PVALB: variants seen among roughly 807,000 people sequenced by gnomAD.
PVALB encodes parvalbumin.
Under a neutral mutation model 10.9 loss-of-function variants are expected in PVALB, and 11 were observed. That is an observed-to-expected ratio of 1.01 (90% CI 0.63 to 1.67). The LOEUF (loss-of-function observed/expected upper bound fraction) is 1.67, where lower values mean the gene tolerates loss of function less well. Ranked by LOEUF, PVALB falls within the 40% of genes most tolerant of loss-of-function variation. The pLI is 0.00. For missense variants in PVALB, 131 were observed against 136.2 expected (o/e 0.96, Z 0.19); for synonymous variants, 57 against 50.7 (o/e 1.12, Z -0.53).
chr22:36,804,575 G>T (rs1311380404), intron 3 of PVALB, among the ~76,000 whole-genome samples: 2 of 152,234 alleles, frequency 1.3e-5, no homozygotes, highest in Non-Finnish European at 2.9e-5. Context: ...TTAGGAGCCA[G>T]CCAATTAACG....
At chr22:36,804,859 G>A (rs1451925981) in intron 3 of PVALB, among the ~76,000 whole-genome samples, 3 of 152,154 alleles carry the variant, frequency 2.0e-5, no homozygotes, top group Admixed American at 6.5e-5. Flanking sequence ...GCTTGAACCC[G>A]GGAGGTGGAG....
At chr22:36,804,335 C>T (rs1478763249) in intron 3 of PVALB, among the ~76,000 whole-genome samples, 1 of 152,184 alleles carries the variant, frequency 6.6e-6, no homozygotes, top group African/African-American at 2.4e-5. Flanking sequence ...TTGGGAGGTA[C>T]TTTGGAGCTG....
intron 2 of PVALB, 39 bp downstream of exon 2, chr22:36,815,064 C>G: frequency 1.2e-6 from 2 of 1,610,742 alleles, no homozygotes; most frequent in Non-Finnish European, 1.7e-6. Context: ...CCCTCTCGTG[C>G]AGCCGTGGGC....
Position 36,807,256 on chromosome 22 carries a change from G to T in PVALB, c.305-6338C>A, listed in dbSNP as rs117666407. ...GACTTTGGCACTTACTGTCTACGGG[G>T]CCTCAGTTTTCAAGTCTCTCAGTGG... On this transcript the variant is annotated intron_variant, in intron 3 of 3. Coordinates refer to ENST00000417718, the MANE Select transcript of PVALB (RefSeq NM_001315532.2). 6.3e-3 allele frequency among the ~76,000 whole-genome samples: 961 copies of T among 152,242 alleles called. 3 individuals carry two copies. Among genetic ancestry groups the T allele is most frequent in the Non-Finnish European group, 9.7e-3 (658 of 68,024 alleles).
chr22:36,813,731 T>C lies in PVALB; in HGVS notation c.219A>G (p.Pro73=). The C allele has an allele frequency of 1.9e-6, 3 of 1,613,760 alleles. No individual in the cohort carries two copies. Among genetic ancestry groups the C allele is most frequent in the Non-Finnish European group, 2.5e-6 (3 of 1,179,726 alleles). Reference sequence around the variant, plus strand: ...CTTTAGCAGACAGGTCTCTGGCATCTGGGGAGAAGCCTTTTAGGATGAATC... The same window carrying C: ...CTTTAGCAGACAGGTCTCTGGCATCCGGGGAGAAGCCTTTTAGGATGAATC... The part of the protein sequence containing the change: ...ELGFILKGFS[P]DARDLSAKET... The change falls in exon 3 of 4, where the codon CCA becomes CCG. Residue 73 remains proline, a synonymous_variant. Transcript: ENST00000417718.
chr22:36,815,827 G>A (rs1399587679), intron 1 of PVALB, among the ~76,000 whole-genome samples: 1 of 152,070 alleles, frequency 6.6e-6, no homozygotes, highest in African/African-American at 2.4e-5. Context: ...AGGCTCCCGA[G>A]AAACACCCAG....
intron 3 of PVALB, among the ~76,000 whole-genome samples, chr22:36,801,497 T>C (rs1569089088): frequency 6.6e-6 from 1 of 152,078 alleles, no homozygotes; most frequent in African/African-American, 2.4e-5. Context: ...CCCATCGCCC[T>C]AGAAAATGCA....
chr22:36,801,949 T>G (rs571903376), intron 3 of PVALB, among the ~76,000 whole-genome samples: 9 of 152,338 alleles, frequency 5.9e-5, no homozygotes, highest in Non-Finnish European at 1.3e-4. Context: ...TTCCCTCATC[T>G]GTCAGTGGAG....
chr22:36,805,286 C>A (rs777169583), intron 3 of PVALB, among the ~76,000 whole-genome samples: 11 of 152,172 alleles, frequency 7.2e-5, no homozygotes, highest in Non-Finnish European at 1.3e-4. Flanking sequence ...ATAGTGCCCA[C>A]TTCCTTAAGT....
In PVALB at chr22:36,806,223, C is replaced by T. The variant is rs535546395; in HGVS notation, c.305-5305G>A. ...ACATGAAAGGACAGCAGTACTTTTGCAGTCTAAATCCTCGCCCAAGACCCT... is the reference window on the plus strand; with the variant it reads ...ACATGAAAGGACAGCAGTACTTTTGTAGTCTAAATCCTCGCCCAAGACCCT... On this transcript the variant is annotated intron_variant, in intron 3 of 3. Transcript: ENST00000417718. 1.1e-4 allele frequency among the ~76,000 whole-genome samples: 16 copies of T among 152,260 alleles called. No homozygotes were observed. The South Asian group carries it at 2.9e-3, about 28-fold the overall frequency.
At chr22:36,815,506 T>C (rs1939125004) in intron 1 of PVALB, 2 of 469,872 alleles carry the variant, frequency 4.3e-6, no homozygotes, top group South Asian at 4.5e-5. Flanking sequence ...ACTGCACCCA[T>C]TGCTGATGAT....
chr22:36,815,010 G>A lies in PVALB; in HGVS notation c.194+93C>T. ...TTCTGTGAAGCAGGCAGAGTGAAAG[G>A]CAGGTCTGATGGACACTTGGAAGCT... On this transcript the variant is annotated intron_variant, in intron 2 of 3. Coordinates refer to ENST00000417718, the MANE Select transcript of PVALB (RefSeq NM_001315532.2). 6 of 1,500,118 alleles carry A rather than the reference G, an allele frequency of 4.0e-6. No individual in the cohort carries two copies. In the South Asian group the frequency reaches 6.0e-5, roughly 15 times the overall value. 92.9% of individuals were successfully genotyped at this position (1,500,118 alleles called of 1,614,324 possible). A position where few individuals can be genotyped will look rare whatever the true frequency, so the allele number is the denominator to read the frequency against.
At chr22:36,808,652 T>A (rs921600374) in intron 3 of PVALB, among the ~76,000 whole-genome samples, 3 of 152,228 alleles carry the variant, frequency 2.0e-5, no homozygotes, top group Non-Finnish European at 4.4e-5. Context: ...CAGAAACTCC[T>A]GGGGTCTGGC....
In PVALB at chr22:36,801,772, C is replaced by A. The variant is rs189909581; in HGVS notation, c.305-854G>T. On this transcript the variant is annotated intron_variant, in intron 3 of 3. Transcript: ENST00000417718. ...CCAAGATCGTGCCACCGCACTCCAG[C>A]TTGGGCAATAGAGTCAGACTCTGTC... Among the ~76,000 whole-genome samples, 334 of 152,214 alleles carry A rather than the reference C, an allele frequency of 2.2e-3. 2 individuals are homozygous for A. The highest frequency in any genetic ancestry group is 7.5e-3 in the African/African-American group (311 of 41,506).
intron 3 of PVALB, among the ~76,000 whole-genome samples, chr22:36,806,522 C>G (rs554619144): frequency 6.6e-6 from 1 of 152,066 alleles, no homozygotes; most frequent in Non-Finnish European, 1.5e-5. Flanking sequence ...GAGTCAGCGG[C>G]TGGAAGGCTC....
intron 1 of PVALB, 171 bp from the exon 2 acceptor site, chr22:36,815,406 C>A: frequency 1.1e-6 from 1 of 870,622 alleles, no homozygotes; most frequent in Non-Finnish European, 1.7e-6. Context: ...GGGAGGATAA[C>A]CTGTCCAAGG....
chr22:36,816,043 TTTTGTG>T (rs1413750135), intron 1 of PVALB, among the ~76,000 whole-genome samples: 2 of 70,280 alleles, frequency 2.8e-5, no homozygotes, highest in African/African-American at 6.1e-4. Context: ...AGATCATGTA[TTTTGTG>T]TGTGTGTGTG....
chr22:36,816,917 G>A lies in PVALB; in HGVS notation c.61+28C>T, dbSNP rs775807147. On this transcript the variant is annotated intron_variant, in intron 1 of 3. Coordinates refer to ENST00000417718, the MANE Select transcript of PVALB (RefSeq NM_001315532.2). ...GCGCGGGCGGTGGACGAGGGGAGAGGGATGGGGAGGGGAGCGCGCTTGCTC... is the reference window on the plus strand; with the variant it reads ...GCGCGGGCGGTGGACGAGGGGAGAGAGATGGGGAGGGGAGCGCGCTTGCTC... The A allele has an allele frequency of 3.6e-5, 57 of 1,582,938 alleles. 2 individuals carry two copies. The highest frequency in any genetic ancestry group is 1.5e-5 in the Non-Finnish European group (17 of 1,165,424).
In PVALB at chr22:36,815,180, CTT is replaced by C. The variant is rs1200013402; in HGVS notation, c.115_116del (p.Lys39GlufsTer4). On this transcript the variant is annotated frameshift_variant, in exon 2 of 4. Coordinates refer to ENST00000417718, the MANE Select transcript of PVALB (RefSeq NM_001315532.2). LOFTEE classifies it high-confidence loss of function. ...KFFQMVGLKK[K>X]SADDVKKVFH... ...ACACCTTCTTCACATCATCCGCACT[CTT>C]TTTCTTCAGGCCGACCATTTGGAAG... is the stretch of plus-strand genomic sequence containing the variant. 1.9e-6 allele frequency: 3 copies of C among 1,614,222 alleles called. No individual in the cohort carries two copies. Among genetic ancestry groups the C allele is most frequent in the Non-Finnish European group, 2.5e-6 (3 of 1,180,038 alleles).
Sources: gnomAD v4.1 joint callset for allele counts (sites outside exome capture counted in the v4.1 genomes callset) on GRCh38, gnomAD v4.1.1 for gene constraint, MANE v1.5 for transcripts, NCBI Gene and HGNC (gene_info 2026-07-23, HGNC 2026-07-21) for gene names.